The following PTPRD variants were observed in gnomAD, a reference collection of about 807,000 sequenced individuals.
PTPRD encodes the protein protein tyrosine phosphatase receptor type D.
Under a neutral mutation model 214.5 loss-of-function variants are expected in PTPRD, and 34 were observed. The ratio of observed to expected loss-of-function variants is 0.16; its 90% CI spans 0.12 to 0.21. The LOEUF (loss-of-function observed/expected upper bound fraction) is 0.21. PTPRD is among the 10% of genes least tolerant of loss of function. The probability of loss-of-function intolerance (pLI) is 1.00; values close to 1 mark genes in which losing one functional copy is unlikely to be tolerated. For synonymous variants in PTPRD, 1,128 were observed against 845.7 expected (o/e 1.33, Z -5.79); for missense variants, 2,545 against 2,398.7 (o/e 1.06, Z -1.27).
At chr9:9,396,775 G>T (rs753470428) in intron 9 of PTPRD, among the ~76,000 whole-genome samples, 13 of 151,980 alleles carry the variant, frequency 8.6e-5, no homozygotes, top group Non-Finnish European at 1.8e-4. Flanking sequence ...CTCTCAAGAA[G>T]TAAAATGAGT....
At chr9:8,590,112 A>G (rs1222793416) in intron 14 of PTPRD, among the ~76,000 whole-genome samples, 2 of 152,140 alleles carry the variant, frequency 1.3e-5, no homozygotes, top group East Asian at 1.9e-4. Context: ...TACAATCTGT[A>G]TAGATATAGT....
At chr9:9,129,238 A>T (rs907164709) in intron 10 of PTPRD, among the ~76,000 whole-genome samples, 8 of 152,100 alleles carry the variant, frequency 5.3e-5, no homozygotes, top group African/African-American at 1.9e-4. Flanking sequence ...AAAAATACCA[A>T]AATTAGCCAG....
At chr9:8,492,535 T>C (rs2097171151) in intron 27 of PTPRD, among the ~76,000 whole-genome samples, 9 of 151,450 alleles carry the variant, frequency 5.9e-5, no homozygotes. Context: ...GTGAATTTCA[T>C]GAGTGTAGAT....
intron 11 of PTPRD, among the ~76,000 whole-genome samples, chr9:8,876,350 GAAA>G (rs943075694): frequency 4.6e-5 from 7 of 152,092 alleles, no homozygotes; most frequent in Admixed American, 3.3e-4. Flanking sequence ...ATAAGCTGAT[GAAA>G]AGCCTATAAT....
chr9:10,046,299 C>T (rs1007469691), intron 3 of PTPRD, among the ~76,000 whole-genome samples: 2 of 151,766 alleles, frequency 1.3e-5, no homozygotes, highest in African/African-American at 4.8e-5. Flanking sequence ...CTGGGTAAAA[C>T]ACAACTGCAT....
intron 31 of PTPRD, among the ~76,000 whole-genome samples, chr9:8,467,581 A>C (rs766576255): frequency 2.0e-5 from 3 of 151,834 alleles, no homozygotes; most frequent in Non-Finnish European, 2.9e-5. Context: ...AATAAAATGA[A>C]ATTCCATGTT....
rs147322182 is a variant in PTPRD, at chr9:9,002,143, C to T, written c.-104+16554G>A. Among the ~76,000 whole-genome samples, 591 of 151,920 alleles carry T rather than the reference C, an allele frequency of 3.9e-3. 5 individuals are homozygous for T. The highest frequency in any genetic ancestry group is 0.013 in the African/African-American group (546 of 41,424). ...TTTTAACATAGCCTGATTCATAATA[C>T]CTTATACCATATATTATCTAGAAGA... On this transcript the variant is annotated intron_variant, in intron 11 of 45. Coordinates refer to ENST00000381196, the MANE Select transcript of PTPRD (RefSeq NM_002839.4).
In PTPRD at chr9:8,675,520, T is replaced by TACAC. The variant is rs1188291707; in HGVS notation, c.65-38680_65-38677dup. 1.9e-3 allele frequency among the ~76,000 whole-genome samples: 158 copies of TACAC among 82,928 alleles called. 2 individuals are homozygous for TACAC. The highest frequency in any genetic ancestry group is 0.018 in the Middle Eastern group (2 of 112). 54.4% of individuals were successfully genotyped at this position (82,928 alleles called of 152,430 possible). On this transcript the variant is annotated intron_variant, in intron 12 of 45. Coordinates refer to ENST00000381196, the MANE Select transcript of PTPRD (RefSeq NM_002839.4). The stretch of plus-strand genomic sequence containing the variant: ...TACACACTACACACATATGCACACA[T>TACAC]ACACACACACACACACACAAAAAAA...
intron 8 of PTPRD, among the ~76,000 whole-genome samples, chr9:9,539,795 T>C (rs1236316499): frequency 4.6e-5 from 7 of 151,906 alleles, no homozygotes; most frequent in Non-Finnish European, 8.8e-5. Context: ...AGGAAAAGCA[T>C]TTCCAGTTAG....
intron 11 of PTPRD, among the ~76,000 whole-genome samples, chr9:8,999,968 T>A (rs1327735077): frequency 6.6e-6 from 1 of 152,002 alleles, no homozygotes; most frequent in Non-Finnish European, 1.5e-5. Context: ...AATATTCCAA[T>A]GAGTTTCATT....
chr9:9,972,794 G>A (rs1163331490), intron 4 of PTPRD, among the ~76,000 whole-genome samples: 3 of 152,004 alleles, frequency 2.0e-5, no homozygotes, highest in African/African-American at 4.8e-5. Context: ...ACTAGCTTTT[G>A]CTTCCTTTCT....
chr9:9,326,857 G>T (rs931708630), intron 9 of PTPRD, among the ~76,000 whole-genome samples: 1 of 152,094 alleles, frequency 6.6e-6, no homozygotes, highest in African/African-American at 2.4e-5. Context: ...GAGCCTTCTG[G>T]TGTAGAGGAG....
intron 6 of PTPRD, among the ~76,000 whole-genome samples, chr9:9,753,399 T>C (rs2098540659): frequency 6.6e-6 from 1 of 152,046 alleles, no homozygotes; most frequent in South Asian, 2.1e-4. Context: ...TGTCTGTCAG[T>C]GTTTCCATTA....
intron 11 of PTPRD, among the ~76,000 whole-genome samples, chr9:9,009,011 C>T (rs889643027): frequency 2.0e-5 from 3 of 152,060 alleles, no homozygotes; most frequent in Admixed American, 6.6e-5. Flanking sequence ...ATAACAGCTT[C>T]AGATGAAATC....
chr9:10,065,272 AG>A (rs2097857239), intron 3 of PTPRD, among the ~76,000 whole-genome samples: 1 of 151,930 alleles, frequency 6.6e-6, no homozygotes, highest in African/African-American at 2.4e-5. Flanking sequence ...CTCTAACCCA[AG>A]GTAGTTGGCG....
intron 9 of PTPRD, among the ~76,000 whole-genome samples, chr9:9,377,318 T>A (rs997711735): frequency 1.3e-5 from 2 of 152,150 alleles, no homozygotes; most frequent in African/African-American, 4.8e-5. Flanking sequence ...CTTGTGCTAA[T>A]TCTTCCTGGT....
rs185820012 is a variant in PTPRD, at chr9:9,489,805, A to G, written c.-237+84927T>C. Among the ~76,000 whole-genome samples the G allele has an allele frequency of 2.1e-5, 3 of 146,104 alleles. No individual in the cohort carries two copies. In the East Asian group the frequency reaches 5.8e-4, roughly 28 times the overall value. On this transcript the variant is annotated intron_variant, in intron 8 of 45. Transcript: ENST00000381196. ...TGGACCAATATACACACTGTAGAAT[A>G]AAAGAAGAAGGAAGAAAAAAGATGA...
At chr9:9,080,350 G>T (rs1003296377) in intron 10 of PTPRD, among the ~76,000 whole-genome samples, 7 of 151,936 alleles carry the variant, frequency 4.6e-5, no homozygotes, top group African/African-American at 1.4e-4. Context: ...AATTTAAAAC[G>T]GTTGTGCTCA....
intron 3 of PTPRD, among the ~76,000 whole-genome samples, chr9:10,193,388 G>C (rs2099382715): frequency 6.6e-6 from 1 of 152,056 alleles, no homozygotes; most frequent in African/African-American, 2.4e-5. Context: ...TGGGATGAAG[G>C]AGATAGAGTA....
Sources: gnomAD v4.1 joint callset for allele counts (sites outside exome capture counted in the v4.1 genomes callset) on GRCh38, gnomAD v4.1.1 for gene constraint, MANE v1.5 for transcripts, NCBI Gene and HGNC (gene_info 2026-07-23, HGNC 2026-07-21) for gene names.